The following BLTP3B variants were observed in gnomAD, a reference collection of about 807,000 sequenced individuals.
The protein encoded by BLTP3B is UHRF1 (ICBP90) binding protein 1-like.
chr12:100,058,383 T>G, the BLTP3B span: 1 of 1,612,214 alleles, frequency 6.2e-7, no homozygotes, highest in South Asian at 1.1e-5. Context: ...TGATAAATAG[T>G]CCATAAAAGA....
the BLTP3B span, chr12:100,072,616 C>T: frequency 7.3e-7 from 1 of 1,365,118 alleles, no homozygotes. Flanking sequence ...AAAATATTAA[C>T]AAGAAAAAAA....
At chr12:100,112,386 A>C in the BLTP3B span, among the ~76,000 whole-genome samples, 1 of 152,196 alleles carries the variant, frequency 6.6e-6, no homozygotes, top group African/African-American at 2.4e-5. Context: ...ACACTCCTGT[A>C]GTCCCAGTTA....
chr12:100,081,456 T>C, the BLTP3B span, among the ~76,000 whole-genome samples: 4 of 152,162 alleles, frequency 2.6e-5, no homozygotes, highest in East Asian at 1.9e-4. Context: ...ATGTGCAGGT[T>C]TGTTATACTG....
At chr12:100,051,796 C>T in the BLTP3B span, 29,574 of 152,122 alleles carry the variant, frequency 0.19, 3,574 homozygotes, top group African/African-American at 0.33. Flanking sequence ...TGGCTCACGT[C>T]TGTAATCCCA....
chr12:100,069,004 G>A, the BLTP3B span, among the ~76,000 whole-genome samples: 4 of 152,214 alleles, frequency 2.6e-5, no homozygotes, highest in African/African-American at 7.2e-5. Flanking sequence ...TTAGGAGGCT[G>A]ACGCGGGCAG....
At chr12:100,101,381 G>A in the BLTP3B span, among the ~76,000 whole-genome samples, 1 of 152,176 alleles carries the variant, frequency 6.6e-6, no homozygotes, top group Non-Finnish European at 1.5e-5. Context: ...AAGTGAGTGT[G>A]TGTCTGTGTA....
chr12:100,130,912 T>G, the BLTP3B span, among the ~76,000 whole-genome samples: 1 of 122,246 alleles, frequency 8.2e-6, no homozygotes. Flanking sequence ...TGAAACTCTA[T>G]CTCAAAAAAA....
At chr12:100,141,171 A>G in the BLTP3B span, among the ~76,000 whole-genome samples, 39 of 152,092 alleles carry the variant, frequency 2.6e-4, no homozygotes, top group Non-Finnish European at 3.5e-4. Flanking sequence ...AAACTTTTCA[A>G]TGAGTGATAA....
the BLTP3B span, among the ~76,000 whole-genome samples, chr12:100,134,259 T>C: frequency 1.3e-5 from 2 of 152,124 alleles, no homozygotes; most frequent in African/African-American, 4.8e-5. Context: ...GACTAAAACA[T>C]GTATAGTCTA....
chr12:100,103,913 C>T, the BLTP3B span: 1 of 1,599,374 alleles, frequency 6.3e-7, no homozygotes, highest in Non-Finnish European at 8.5e-7. Context: ...CAGAACTCAC[C>T]AAACAGATGG....
At chr12:100,066,096 C>T in the BLTP3B span, among the ~76,000 whole-genome samples, 1 of 152,108 alleles carries the variant, frequency 6.6e-6, no homozygotes, top group African/African-American at 2.4e-5. Flanking sequence ...GACAGGTTCC[C>T]CCAATATTCA....
the BLTP3B span, chr12:100,108,679 G>A: frequency 1.4e-6 from 1 of 693,050 alleles, no homozygotes; most frequent in East Asian, 3.0e-5. Flanking sequence ...ACGACAAATG[G>A]ATAAAGAAAA....
At chr12:100,076,078 C>G in the BLTP3B span, among the ~76,000 whole-genome samples, 1 of 151,556 alleles carries the variant, frequency 6.6e-6, no homozygotes, top group African/African-American at 2.4e-5. Context: ...ATGTAACAAA[C>G]CTGCACATGT....
At chr12:100,072,857 C>A in the BLTP3B span, 1 of 1,541,794 alleles carries the variant, frequency 6.5e-7, no homozygotes. Context: ...TGAATAAAAA[C>A]CTTTCCAAAT....
At chr12:100,039,194 TAATA>T in the BLTP3B span, among the ~76,000 whole-genome samples, 1 of 152,022 alleles carries the variant, frequency 6.6e-6, no homozygotes, top group Admixed American at 6.6e-5. Flanking sequence ...ACTTGAATGT[TAATA>T]AATGTTTATA....
At chr12:100,125,580 C>T in the BLTP3B span, among the ~76,000 whole-genome samples, 1 of 151,914 alleles carries the variant, frequency 6.6e-6, no homozygotes, top group African/African-American at 2.4e-5. Context: ...CCTGGGAGGT[C>T]AAGGCTGCAG....
chr12:100,142,203 G>A, the BLTP3B span, among the ~76,000 whole-genome samples: 1 of 152,166 alleles, frequency 6.6e-6, no homozygotes, highest in Non-Finnish European at 1.5e-5. Context: ...AAGGAGCACC[G>A]AACTCGAGTT....
the BLTP3B span, chr12:100,086,373 G>GT: frequency 2.3e-5 from 5 of 218,802 alleles, no homozygotes; most frequent in East Asian, 6.6e-4. Context: ...GAAAAAAAAA[G>GT]GGGGGGGGGG....
chr12:100,082,763 TA>T, the BLTP3B span, among the ~76,000 whole-genome samples: 54,149 of 152,076 alleles, frequency 0.36, 12,836 homozygotes, highest in African/African-American at 0.68. Context: ...TCTGTTTTTG[TA>T]ATGAGAACAT....
Sources: gnomAD v4.1 joint callset for allele counts (sites outside exome capture counted in the v4.1 genomes callset) on GRCh38, gnomAD v4.1.1 for gene constraint, MANE v1.5 for transcripts, NCBI Gene and HGNC (gene_info 2026-07-23, HGNC 2026-07-21) for gene names.